SCCPDH: variants seen among roughly 807,000 people sequenced by gnomAD.
SCCPDH encodes the protein saccharopine dehydrogenase-like oxidoreductase.
In SCCPDH, 34 loss-of-function variants were observed where a neutral mutation model predicts 51.5. That is an observed-to-expected ratio of 0.66 (90% CI 0.50 to 0.88). SCCPDH has a LOEUF of 0.88. SCCPDH is among the 40% of genes least tolerant of loss of function. The pLI is 0.00. For synonymous variants in SCCPDH, 187 were observed against 191.3 expected (o/e 0.98, Z 0.19); for missense variants, 464 against 527.1 (o/e 0.88, Z 1.17).
intron 5 of SCCPDH, among the ~76,000 whole-genome samples, chr1:246,754,631 C>G (rs989597054): frequency 6.6e-6 from 1 of 152,202 alleles, no homozygotes; most frequent in African/African-American, 2.4e-5. Flanking sequence ...ATTCCTGTCC[C>G]TTTTAAGGGC....
intron 2 of SCCPDH, among the ~76,000 whole-genome samples, chr1:246,727,306 A>T (rs1459207178): frequency 6.6e-6 from 1 of 151,928 alleles, no homozygotes; most frequent in East Asian, 1.9e-4. Context: ...AAAATGTTTG[A>T]GTGTGTCTCC....
chr1:246,765,434 G>T (rs1247420286), intron 10 of SCCPDH, among the ~76,000 whole-genome samples: 1 of 152,168 alleles, frequency 6.6e-6, no homozygotes, highest in Non-Finnish European at 1.5e-5. Flanking sequence ...TTTCCATCTT[G>T]CCCTTTTCTG....
chr1:246,767,995 C>A lies in SCCPDH; in HGVS notation c.*695C>A, dbSNP rs879539867. ...TTTTAAGGATACAGCTTATAAGTTG[C>A]TATCAATTTTCACTACCTAAGCAGA... On this transcript the variant is annotated 3_prime_UTR_variant, in exon 12 of 12. Coordinates refer to ENST00000366510, the MANE Select transcript of SCCPDH (RefSeq NM_016002.3). 1.1e-4 allele frequency: 17 copies of A among 152,242 alleles called. No individual in the cohort carries two copies. The highest frequency in any genetic ancestry group is 6.8e-3 in the Middle Eastern group (2 of 294). 9.4% of individuals were successfully genotyped at this position (152,242 alleles called of 1,614,324 possible).
intron 5 of SCCPDH, 78 bp downstream of exon 5, chr1:246,744,203 G>T: frequency 1.3e-6 from 1 of 788,428 alleles, no homozygotes; most frequent in South Asian, 1.9e-5. Flanking sequence ...TGTCTTTTAG[G>T]TATGTATAAT....
In SCCPDH at chr1:246,767,328, A is replaced by G; in HGVS notation, c.*28A>G. The G allele has an allele frequency of 1.5e-6, 2 of 1,361,376 alleles. No individual in the cohort carries two copies. The highest frequency in any genetic ancestry group is 2.0e-6 in the Non-Finnish European group (2 of 984,492). The allele number at this position is 1,361,376 out of a possible 1,614,324, so 84.3% of individuals were successfully genotyped here. ...ACTGGAAGAATTAACTGAAGTCATA[A>G]CGTGCGTGAATTAACAGCTTCTCTA... On this transcript the variant is annotated 3_prime_UTR_variant, in exon 12 of 12. Transcript: ENST00000366510.
Position 246,763,191 on chromosome 1 carries a change from G to T in SCCPDH, c.991-1055G>T, listed in dbSNP as rs562168168. Among the ~76,000 whole-genome samples, 4 of 152,316 alleles carry T rather than the reference G, an allele frequency of 2.6e-5. No individual in the cohort carries two copies. The South Asian group carries it at 8.3e-4, about 32-fold the overall frequency. On this transcript the variant is annotated intron_variant, in intron 9 of 11. Coordinates refer to ENST00000366510, the MANE Select transcript of SCCPDH (RefSeq NM_016002.3). Reference sequence around the variant, plus strand: ...GCCGAAAGTCCATCTTCAGAGATGTGAGGCCATCCTAGACCCTTCATGATC... The same window carrying T: ...GCCGAAAGTCCATCTTCAGAGATGTTAGGCCATCCTAGACCCTTCATGATC...
At chr1:246,742,634 T>C (rs369166267) in intron 4 of SCCPDH, among the ~76,000 whole-genome samples, 5 of 152,362 alleles carry the variant, frequency 3.3e-5, no homozygotes, top group African/African-American at 9.6e-5. Flanking sequence ...TATCTGGCTG[T>C]AGTTCTCTTC....
chr1:246,744,725 C>A (rs2102985244), intron 5 of SCCPDH, among the ~76,000 whole-genome samples: 1 of 152,266 alleles, frequency 6.6e-6, no homozygotes, highest in East Asian at 1.9e-4. Flanking sequence ...AGTGGTTCTC[C>A]TGCCTTAGCC....
intron 2 of SCCPDH, among the ~76,000 whole-genome samples, chr1:246,732,141 TGAGGCAG>T (rs924164846): frequency 1.6e-4 from 24 of 152,036 alleles, no homozygotes; most frequent in African/African-American, 5.8e-4. Context: ...GTTATAGGAG[TGAGGCAG>T]GAGGAAAGGT....
At chr1:246,757,623 A>G (rs1411213719) in intron 5 of SCCPDH, among the ~76,000 whole-genome samples, 2 of 152,218 alleles carry the variant, frequency 1.3e-5, no homozygotes, top group African/African-American at 4.8e-5. Flanking sequence ...GAGGAAAGCA[A>G]TTAAAATACA....
intron 5 of SCCPDH, among the ~76,000 whole-genome samples, chr1:246,756,713 A>G (rs754008695): frequency 6.6e-5 from 10 of 152,230 alleles, no homozygotes; most frequent in Non-Finnish European, 2.9e-5. Context: ...AACAGAAGAA[A>G]TAAATCTGTA....
chr1:246,744,176 T>TAAC, intron 5 of SCCPDH, 51 bp downstream of exon 5: 1 of 1,118,736 alleles, frequency 8.9e-7, no homozygotes. Flanking sequence ...TTAAAAATAT[T>TAAC]TTGGAAATGA....
At chr1:246,742,805 C>T (rs760168046) in intron 4 of SCCPDH, among the ~76,000 whole-genome samples, 8 of 152,070 alleles carry the variant, frequency 5.3e-5, no homozygotes, top group African/African-American at 1.7e-4. Flanking sequence ...ATTAGCCAGC[C>T]CATTATATTT....
At chr1:246,756,012 C>T (rs1668925479) in intron 5 of SCCPDH, among the ~76,000 whole-genome samples, 1 of 152,090 alleles carries the variant, frequency 6.6e-6, no homozygotes, top group Non-Finnish European at 1.5e-5. Context: ...ATTGTGGATG[C>T]CCTCACGGTT....
chr1:246,749,643 A>T (rs940883255), intron 5 of SCCPDH, among the ~76,000 whole-genome samples: 1 of 152,198 alleles, frequency 6.6e-6, no homozygotes. Context: ...AGAAGCTGCA[A>T]GTACTAGTTG....
intron 9 of SCCPDH, among the ~76,000 whole-genome samples, chr1:246,760,820 C>T (rs890528903): frequency 2.0e-5 from 3 of 152,190 alleles, no homozygotes; most frequent in Non-Finnish European, 4.4e-5. Context: ...AGCAAGTTCC[C>T]GTTTCCCCCT....
At chr1:246,759,218 A>G (rs1668977520) in intron 7 of SCCPDH, 67 bp downstream of exon 7, 1 of 908,964 alleles carries the variant, frequency 1.1e-6, no homozygotes, top group Non-Finnish European at 1.8e-6. Context: ...TCAGTGTGGG[A>G]TATTTTTGTT....
At chr1:246,745,308 A>G (rs1053500408) in intron 5 of SCCPDH, among the ~76,000 whole-genome samples, 1 of 152,236 alleles carries the variant, frequency 6.6e-6, no homozygotes, top group African/African-American at 2.4e-5. Context: ...GTGGCTTCAG[A>G]AGTATTTGTT....
At chr1:246,756,016 C>T (rs1292658452) in intron 5 of SCCPDH, among the ~76,000 whole-genome samples, 1 of 152,096 alleles carries the variant, frequency 6.6e-6, no homozygotes, top group African/African-American at 2.4e-5. Context: ...TGGATGCCCT[C>T]ACGGTTGGGA....
Sources: gnomAD v4.1 joint callset for allele counts (sites outside exome capture counted in the v4.1 genomes callset) on GRCh38, gnomAD v4.1.1 for gene constraint, MANE v1.5 for transcripts, NCBI Gene and HGNC (gene_info 2026-07-23, HGNC 2026-07-21) for gene names.